Variants in RAB38 observed in about 807,000 individuals in gnomAD.
The protein encoded by RAB38 is ras-related protein Rab-38.
A neutral mutation model predicts 18.4 loss-of-function variants in RAB38; 15 were observed. The observed-to-expected ratio is 0.82, with a 90% confidence interval of 0.55 to 1.26. RAB38 has a LOEUF of 1.26. Ranked by LOEUF, RAB38 falls within the 50% of genes most tolerant of loss-of-function variation. The pLI, the probability that RAB38 is intolerant of heterozygous loss-of-function variation, is 0.00. For missense variants in RAB38, 294 were observed against 267.4 expected, an observed-to-expected ratio of 1.10 and a Z score of -0.69; for synonymous variants, 101 against 104.4, an observed-to-expected ratio of 0.97 and a Z score of 0.20.
the RAB38 span, among the ~76,000 whole-genome samples, chr11:87,851,374 A>T: frequency 1.3e-5 from 2 of 152,190 alleles, no homozygotes; most frequent in East Asian, 3.8e-4. Flanking sequence ...TACCACTTAA[A>T]ATAAAAATGA....
At chr11:87,829,829 A>T in the RAB38 span, among the ~76,000 whole-genome samples, 2 of 152,188 alleles carry the variant, frequency 1.3e-5, no homozygotes, top group South Asian at 4.1e-4. Flanking sequence ...ATCTCTCCCT[A>T]CTTCTGAAAT....
chr11:87,924,659 C>T, the RAB38 span, among the ~76,000 whole-genome samples: 1 of 151,974 alleles, frequency 6.6e-6, no homozygotes, highest in Non-Finnish European at 1.5e-5. Flanking sequence ...TGCATACACA[C>T]TTTGAGATAA....
At chr11:87,896,203 A>T in the RAB38 span, among the ~76,000 whole-genome samples, 1 of 151,714 alleles carries the variant, frequency 6.6e-6, no homozygotes, top group Non-Finnish European at 1.5e-5. Flanking sequence ...CTGTCTGACC[A>T]TAGCCAAATT....
chr11:88,027,714 G>T, the RAB38 span, among the ~76,000 whole-genome samples: 1 of 152,218 alleles, frequency 6.6e-6, no homozygotes, highest in South Asian at 2.1e-4. Context: ...AAACAAAGCA[G>T]CTGGGAAGCT....
chr11:88,106,613 G>C, the RAB38 span, among the ~76,000 whole-genome samples: 1 of 152,150 alleles, frequency 6.6e-6, no homozygotes, highest in South Asian at 2.1e-4. Context: ...TGTGCCTGGA[G>C]GTTGATATTC....
At chr11:88,116,172 G>A (rs79567319) in intron 2 of RAB38, among the ~76,000 whole-genome samples, 10 of 152,146 alleles carry the variant, frequency 6.6e-5, no homozygotes, top group East Asian at 3.9e-4. Context: ...TTTTTGGAAC[G>A]GACCCAGCTC....
At chr11:88,052,935 T>TATCATATATATATATATATATC in the RAB38 span, among the ~76,000 whole-genome samples, 3 of 85,790 alleles carry the variant, frequency 3.5e-5, 1 homozygote, top group African/African-American at 1.6e-4. Context: ...TATATATATA[T>TATCATATATATATATATATATC]ATATATATAA....
chr11:88,021,029 C>T, the RAB38 span, among the ~76,000 whole-genome samples: 27 of 151,792 alleles, frequency 1.8e-4, no homozygotes, highest in Admixed American at 6.6e-5. Context: ...CCTAATGATG[C>T]GTCTTAAAGA....
At chr11:87,953,061 CATTA>C in the RAB38 span, among the ~76,000 whole-genome samples, 1 of 148,680 alleles carries the variant, frequency 6.7e-6, no homozygotes, top group African/African-American at 2.5e-5. Context: ...GTAAATATGT[CATTA>C]TTTATTTACA....
chr11:87,854,170 T>C, the RAB38 span, among the ~76,000 whole-genome samples: 4 of 152,190 alleles, frequency 2.6e-5, no homozygotes, highest in African/African-American at 9.6e-5. Flanking sequence ...TAAGGTGATA[T>C]ATTCATAGGT....
At chr11:87,962,136 T>C in the RAB38 span, among the ~76,000 whole-genome samples, 1 of 152,172 alleles carries the variant, frequency 6.6e-6, no homozygotes, top group African/African-American at 2.4e-5. Flanking sequence ...TCCCTTCCTC[T>C]CTCAGAAAAG....
the RAB38 span, among the ~76,000 whole-genome samples, chr11:88,019,238 T>C: frequency 1.3e-5 from 2 of 152,262 alleles, no homozygotes; most frequent in African/African-American, 4.8e-5. Flanking sequence ...CCCTAGTTTC[T>C]CTATCTTTGT....
chr11:87,954,076 C>T, the RAB38 span, among the ~76,000 whole-genome samples: 2 of 152,192 alleles, frequency 1.3e-5, no homozygotes, highest in African/African-American at 4.8e-5. Context: ...ATGAGGGTGG[C>T]CATGTTCATG....
At chr11:87,946,677 G>A in the RAB38 span, among the ~76,000 whole-genome samples, 1 of 152,124 alleles carries the variant, frequency 6.6e-6, no homozygotes, top group Non-Finnish European at 1.5e-5. Flanking sequence ...TGCTGAGAAT[G>A]ATGGTTTCCA....
At chr11:88,033,944 G>A in the RAB38 span, among the ~76,000 whole-genome samples, 1 of 151,900 alleles carries the variant, frequency 6.6e-6, no homozygotes, top group Non-Finnish European at 1.5e-5. Context: ...AGCCAGGATG[G>A]TCTCGATCTC....
At chr11:88,108,770 G>C (rs568607457), downstream of RAB38, among the ~76,000 whole-genome samples, 1 of 152,140 alleles carries the variant, frequency 6.6e-6, no homozygotes, top group South Asian at 2.1e-4. Context: ...TGTTTTTGCT[G>C]GTACCAGCTT....
intron 2 of RAB38, among the ~76,000 whole-genome samples, chr11:88,114,390 T>C (rs900866378): frequency 2.0e-5 from 3 of 152,206 alleles, no homozygotes; most frequent in East Asian, 3.8e-4. Context: ...GTAGGTTAAA[T>C]TTCAGTTAGA....
At chr11:87,952,526 C>CA in the RAB38 span, among the ~76,000 whole-genome samples, 9 of 152,182 alleles carry the variant, frequency 5.9e-5, no homozygotes, top group African/African-American at 2.2e-4. Context: ...CATATTCCTT[C>CA]ACCCTGCATT....
At chr11:87,947,832 TCCCA>T in the RAB38 span, among the ~76,000 whole-genome samples, 3 of 152,168 alleles carry the variant, frequency 2.0e-5, no homozygotes, top group Non-Finnish European at 4.4e-5. Context: ...GCGTGATGCC[TCCCA>T]GCTTTTGTTC....
Sources: gnomAD v4.1 joint callset for allele counts (sites outside exome capture counted in the v4.1 genomes callset) on GRCh38, gnomAD v4.1.1 for gene constraint, MANE v1.5 for transcripts, NCBI Gene and HGNC (gene_info 2026-07-23, HGNC 2026-07-21) for gene names.